The following HLCS variants were observed in gnomAD, a reference collection of about 807,000 sequenced individuals.
HLCS encodes biotin--protein ligase.
A neutral mutation model predicts 75.0 loss-of-function variants in HLCS; 53 were observed. The ratio of observed to expected loss-of-function variants is 0.71; its 90% CI spans 0.57 to 0.89. The LOEUF is 0.89. Ranked by LOEUF, HLCS falls within the 40% of genes least tolerant of loss-of-function variation. The pLI, the probability that HLCS is intolerant of heterozygous loss-of-function variation, is 0.00. For synonymous variants in HLCS, 431 were observed against 428.6 expected, an observed-to-expected ratio of 1.01 and a Z score of -0.07; for missense variants, 966 against 1,074.0, an observed-to-expected ratio of 0.90 and a Z score of 1.41.
At chr21:36,899,606 G>A (rs548242672) in intron 5 of HLCS, among the ~76,000 whole-genome samples, 1 of 152,020 alleles carries the variant, frequency 6.6e-6, no homozygotes, top group Non-Finnish European at 1.5e-5. Context: ...CCTGGAGACA[G>A]AGCAAAACTG....
intron 1 of HLCS, chr21:36,986,934 G>C (rs934571476): frequency 6.6e-6 from 1 of 152,194 alleles, no homozygotes; most frequent in East Asian, 1.9e-4. Flanking sequence ...TTGTTGGTAA[G>C]TTTATTTGCT....
chr21:36,957,501 T>C (rs1468564205), intron 2 of HLCS, among the ~76,000 whole-genome samples: 2 of 152,250 alleles, frequency 1.3e-5, no homozygotes, highest in African/African-American at 4.8e-5. Context: ...GGCCTCTTTG[T>C]AGTTCAAAAA....
At chr21:36,947,721 C>T in intron 2 of HLCS, 1 of 985,442 alleles carries the variant, frequency 1.0e-6, no homozygotes, top group Non-Finnish European at 1.2e-6. Context: ...CAACTTAAAA[C>T]TCACATCCAA....
At chr21:36,887,271 T>G (rs1440627787) in intron 6 of HLCS, among the ~76,000 whole-genome samples, 1 of 152,200 alleles carries the variant, frequency 6.6e-6, no homozygotes, top group Non-Finnish European at 1.5e-5. Context: ...TGGATGCCAC[T>G]TTGTTACTGC....
At chr21:36,905,771 G>T (rs1330242789) in intron 5 of HLCS, among the ~76,000 whole-genome samples, 2 of 152,116 alleles carry the variant, frequency 1.3e-5, no homozygotes, top group Non-Finnish European at 2.9e-5. Flanking sequence ...ACAAAAATTG[G>T]CTGGGCACAG....
intron 8 of HLCS, among the ~76,000 whole-genome samples, chr21:36,760,435 C>T (rs531046661): frequency 6.6e-6 from 1 of 151,802 alleles, no homozygotes; most frequent in African/African-American, 2.4e-5. Flanking sequence ...ATAGTGAAAC[C>T]CCATCTCTGC....
intron 1 of HLCS, among the ~76,000 whole-genome samples, chr21:36,977,576 T>A (rs1378293579): frequency 1.3e-5 from 2 of 152,186 alleles, no homozygotes; most frequent in African/African-American, 4.8e-5. Context: ...TACAACCACA[T>A]GAAAAAGGCA....
At chr21:36,868,545 CTAT>C (rs1459833240) in intron 6 of HLCS, among the ~76,000 whole-genome samples, 5 of 152,010 alleles carry the variant, frequency 3.3e-5, no homozygotes, top group African/African-American at 1.2e-4. Flanking sequence ...ATGACCAATT[CTAT>C]TTTTTCCTCT....
intron 6 of HLCS, among the ~76,000 whole-genome samples, chr21:36,883,861 C>G (rs894607396): frequency 6.6e-6 from 1 of 152,178 alleles, no homozygotes; most frequent in Non-Finnish European, 1.5e-5. Flanking sequence ...CAAATGCACT[C>G]AGACACAAGA....
At chr21:36,967,999 C>T (rs1039996437), upstream of HLCS, among the ~76,000 whole-genome samples, 7 of 151,910 alleles carry the variant, frequency 4.6e-5, no homozygotes, top group Admixed American at 1.3e-4. Flanking sequence ...GGATTACAGG[C>T]GTGAACCACC....
At chr21:36,952,443 G>GC (rs2067710350) in intron 2 of HLCS, among the ~76,000 whole-genome samples, 11 of 152,110 alleles carry the variant, frequency 7.2e-5, no homozygotes, top group African/African-American at 2.7e-4. Flanking sequence ...TTAGTTAACT[G>GC]GACTGTGGCA....
Position 36,842,881 on chromosome 21 carries a change from A to G in HLCS, c.1892+53979T>C, listed in dbSNP as rs535270152. Among the ~76,000 whole-genome samples, 2 of 152,328 alleles carry G rather than the reference A, an allele frequency of 1.3e-5. No homozygotes were observed. Among genetic ancestry groups the G allele is most frequent in the Admixed American group, 6.5e-5 (1 of 15,300 alleles). On this transcript the variant is annotated intron_variant, in intron 6 of 10. Coordinates refer to ENST00000674895, the MANE Select transcript of HLCS (RefSeq NM_001352514.2). This position sits in a 1 kb window ranked among gnomAD's most constrained non-coding sequence, Gnocchi z 4.2. ...GACCTACGTCAGCCTAACCAGCAGG[A>G]TGAGGGGCCCCGGGCCAGGGAGCAA...
intron 9 of HLCS, 153 bp from the exon 10 acceptor site, chr21:36,756,908 A>G (rs2089626180): frequency 1.0e-6 from 1 of 985,088 alleles, no homozygotes; most frequent in South Asian, 4.7e-5. Context: ...GAAGAGTGAC[A>G]TGTATTTCTG....
At position 36,896,994 on chromosome 21, in the gene HLCS, C is replaced by T. The variant is rs760177575; in HGVS notation, c.1758G>A (p.Val586=). 7 of 1,614,140 alleles carry T rather than the reference C, an allele frequency of 4.3e-6. No homozygotes were observed. The East Asian group carries it at 1.6e-4, about 36-fold the overall frequency. ...EVEITPSCIP[V]VTNMEAFSSE... is the part of the protein sequence containing the mutation. ...ATGAGAAGGCCTCCATGTTGGTCACCACAGGTATACAAGATGGGGTTATTT... is the reference window on the plus strand; with the variant it reads ...ATGAGAAGGCCTCCATGTTGGTCACTACAGGTATACAAGATGGGGTTATTT... The change falls in exon 6 of 11, where the codon GTG becomes GTA. Residue 586 remains valine (V), a synonymous_variant. Coordinates refer to ENST00000674895, the MANE Select transcript of HLCS (RefSeq NM_001352514.2).
intron 5 of HLCS, among the ~76,000 whole-genome samples, chr21:36,897,511 C>A (rs558285166): frequency 2.0e-5 from 3 of 152,262 alleles, no homozygotes; most frequent in South Asian, 2.1e-4. Flanking sequence ...CAAAGAAATT[C>A]ATTATCCTAT....
chr21:36,905,888 C>T (rs147922843), intron 5 of HLCS, among the ~76,000 whole-genome samples: 2,088 of 151,744 alleles, frequency 0.014, 48 homozygotes, highest in African/African-American at 0.047. Context: ...CCCACTTCTA[C>T]AAAAATACAA....
chr21:36,814,284 A>G (rs1290160773), intron 6 of HLCS, among the ~76,000 whole-genome samples: 1 of 152,198 alleles, frequency 6.6e-6, no homozygotes, highest in Non-Finnish European at 1.5e-5. Context: ...AATCATTTGT[A>G]TACTTTGTCT....
intron 6 of HLCS, among the ~76,000 whole-genome samples, chr21:36,771,073 A>T (rs1459734872): frequency 6.6e-6 from 1 of 151,984 alleles, no homozygotes; most frequent in Non-Finnish European, 1.5e-5. Context: ...CAAAAAAATT[A>T]GCTGGGCATG....
chr21:36,838,298 T>TCACACACACACACACA (rs148428941), intron 6 of HLCS, among the ~76,000 whole-genome samples: 4 of 127,302 alleles, frequency 3.1e-5, no homozygotes, highest in Admixed American at 2.3e-4. Flanking sequence ...GGGTGAATGA[T>TCACACACACACACACA]CACACACACA....
Sources: gnomAD v4.1 joint callset for allele counts (sites outside exome capture counted in the v4.1 genomes callset) on GRCh38, gnomAD v4.1.1 for gene constraint, Gnocchi (gnomAD v3.1) non-coding constraint, MANE v1.5 for transcripts, NCBI Gene and HGNC (gene_info 2026-07-23, HGNC 2026-07-21) for gene names.